The following RAD50 variants were observed in gnomAD, a reference collection of about 807,000 sequenced individuals.
RAD50 encodes DNA repair protein RAD50.
A neutral mutation model predicts 168.8 loss-of-function variants in RAD50; 132 were observed. The observed-to-expected ratio is 0.78, with a 90% confidence interval of 0.68 to 0.90. The LOEUF is 0.90. RAD50 is among the 40% of genes least tolerant of loss of function. The pLI is 0.00. For synonymous variants in RAD50, 525 were observed against 497.4 expected (o/e 1.06, Z -0.74); for missense variants, 1,347 against 1,534.4 (o/e 0.88, Z 2.04).
chr5:132,619,115 C>G (rs984594936), intron 21 of RAD50, among the ~76,000 whole-genome samples: 1 of 152,054 alleles, frequency 6.6e-6, no homozygotes, highest in Admixed American at 6.5e-5. Flanking sequence ...GGGAATAGAC[C>G]ACAATGCATT....
Position 132,557,145 on chromosome 5 carries a change from G to T in RAD50, c.-180G>T. 1 of 845,138 alleles carries T rather than the reference G, an allele frequency of 1.2e-6. No individual in the cohort carries two copies. The highest frequency in any genetic ancestry group is 1.9e-6 in the Non-Finnish European group (1 of 529,334). 52.4% of individuals were successfully genotyped at this position (845,138 alleles called of 1,614,324 possible). On this transcript the variant is annotated 5_prime_UTR_variant, in exon 1 of 25. Coordinates refer to ENST00000378823, the MANE Select transcript of RAD50 (RefSeq NM_005732.4). ...TGTGGGAGGAAAGGCTCCATCCCCC[G>T]CCCCCTCTCTCCCGCTGTTGGCTGG...
chr5:132,582,464 G>C (rs545176496), intron 5 of RAD50, among the ~76,000 whole-genome samples: 3 of 152,050 alleles, frequency 2.0e-5, no homozygotes, highest in Non-Finnish European at 2.9e-5. Flanking sequence ...ATTAAAGTTT[G>C]GGTCAAATCA....
At chr5:132,597,258 C>G (rs1432016696) in intron 13 of RAD50, among the ~76,000 whole-genome samples, 1 of 152,126 alleles carries the variant, frequency 6.6e-6, no homozygotes, top group African/African-American at 2.4e-5. Flanking sequence ...TGGTTTGTGG[C>G]AGCCAACTTC....
At chr5:132,563,105 A>C (rs1750149211) in intron 2 of RAD50, among the ~76,000 whole-genome samples, 1 of 152,276 alleles carries the variant, frequency 6.6e-6, no homozygotes, top group Admixed American at 6.5e-5. Flanking sequence ...GTAAGTGGAC[A>C]CAGACATAGG....
At chr5:132,630,093 AC>A (rs1339685943) in intron 21 of RAD50, among the ~76,000 whole-genome samples, 2 of 144,958 alleles carry the variant, frequency 1.4e-5, no homozygotes, top group Non-Finnish European at 3.0e-5. Context: ...CCCAGGCTGG[AC>A]TCCAATGGTG....
chr5:132,630,834 C>T (rs1483643420), intron 21 of RAD50: 1 of 152,228 alleles, frequency 6.6e-6, no homozygotes, highest in Non-Finnish European at 1.5e-5. Context: ...CCTCATCCCT[C>T]TTTTCTGCTC....
rs989479368 is a variant in RAD50 at position 132,646,346 on chromosome 5, A to G, written c.*3982A>G. On this transcript the variant is annotated 3_prime_UTR_variant, in exon 25 of 25. Coordinates refer to ENST00000378823, the MANE Select transcript of RAD50 (RefSeq NM_005732.4). ...TAAACGTCTAAAACTTAAAATGACC[A>G]AAACCAGTCTTTCTCCCAGAACTTG... 4 of 152,276 alleles carry G rather than the reference A, an allele frequency of 2.6e-5. No individual in the cohort carries two copies. Among genetic ancestry groups the G allele is most frequent in the African/African-American group, 9.6e-5 (4 of 41,476 alleles). 9.4% of individuals were successfully genotyped at this position (152,276 alleles called of 1,614,324 possible).
rs958692782 is a variant in RAD50, at chr5:132,557,246, C to A, written c.-79C>A. On this transcript the variant is annotated 5_prime_UTR_variant, in exon 1 of 25. Coordinates refer to ENST00000378823, the MANE Select transcript of RAD50 (RefSeq NM_005732.4). Reference sequence around the variant, plus strand: ...ACCCTGAGATTCGCGGGTCTCACGTCCCGTGCACGCCTTGCTTCGGCCTCA... The same window carrying A: ...ACCCTGAGATTCGCGGGTCTCACGTACCGTGCACGCCTTGCTTCGGCCTCA... 1.9e-6 allele frequency: 3 copies of A among 1,564,072 alleles called. No homozygotes were observed. Among genetic ancestry groups the A allele is most frequent in the Non-Finnish European group, 1.8e-6 (2 of 1,134,734 alleles).
At chr5:132,614,165 A>G (rs1751135398) in intron 19 of RAD50, among the ~76,000 whole-genome samples, 1 of 152,218 alleles carries the variant, frequency 6.6e-6, no homozygotes, top group Non-Finnish European at 1.5e-5. Flanking sequence ...ACCAGCAACA[A>G]TATTTTGTGC....
chr5:132,623,127 A>G (rs1019335162), intron 21 of RAD50, among the ~76,000 whole-genome samples: 3 of 152,080 alleles, frequency 2.0e-5, no homozygotes, highest in African/African-American at 7.2e-5. Context: ...CTTGGGTCCT[A>G]TCCTTCATCT....
intron 21 of RAD50, among the ~76,000 whole-genome samples, chr5:132,635,378 C>G (rs1751559961): frequency 6.6e-6 from 1 of 152,242 alleles, no homozygotes. Context: ...CGACCTTAGT[C>G]ATCCCCATCT....
chr5:132,559,167 C>A, intron 1 of RAD50, 117 bp from the exon 2 acceptor site: 1 of 1,029,056 alleles, frequency 9.7e-7, no homozygotes, highest in Non-Finnish European at 1.4e-6. Flanking sequence ...TTTATAATGT[C>A]AGATTTTATC....
chr5:132,580,256 C>T (rs1750483038), intron 5 of RAD50, among the ~76,000 whole-genome samples, 190 bp downstream of exon 5: 1 of 152,052 alleles, frequency 6.6e-6, no homozygotes, highest in Admixed American at 6.6e-5. Flanking sequence ...TAACTAAAGT[C>T]ACAGTGATGT....
At chr5:132,599,303 CACATGTGTGAGGAA>C (rs1750845731) in intron 13 of RAD50, among the ~76,000 whole-genome samples, 1 of 152,046 alleles carries the variant, frequency 6.6e-6, no homozygotes, top group South Asian at 2.1e-4. Context: ...TAAGTGAGGA[CACATGTGTGAGGAA>C]ACCATTTTTA....
At chr5:132,570,466 C>T (rs1263071807) in intron 2 of RAD50, among the ~76,000 whole-genome samples, 1 of 152,270 alleles carries the variant, frequency 6.6e-6, no homozygotes, top group East Asian at 1.9e-4. Context: ...GCTAGATCTT[C>T]TGGATAACTT....
chr5:132,626,198 T>C (rs527687929), intron 21 of RAD50, among the ~76,000 whole-genome samples: 2 of 152,328 alleles, frequency 1.3e-5, no homozygotes, highest in South Asian at 2.1e-4. Flanking sequence ...CATTTATCTG[T>C]TGATGGACAC....
intron 21 of RAD50, among the ~76,000 whole-genome samples, chr5:132,622,065 A>G (rs2149855823): frequency 6.6e-6 from 1 of 152,234 alleles, no homozygotes; most frequent in African/African-American, 2.4e-5. Flanking sequence ...TAAATTATTT[A>G]GCTGCTACTT....
At chr5:132,558,721 A>C (rs1307677160) in intron 1 of RAD50, among the ~76,000 whole-genome samples, 1 of 126,038 alleles carries the variant, frequency 7.9e-6, no homozygotes, top group Non-Finnish European at 1.5e-5. Flanking sequence ...CCCCCCACAA[A>C]AAAAAAAAAA....
intron 2 of RAD50, among the ~76,000 whole-genome samples, chr5:132,564,763 C>T (rs1332420580): frequency 2.0e-5 from 3 of 152,176 alleles, no homozygotes; most frequent in Non-Finnish European, 4.4e-5. Flanking sequence ...AGCAGCCCCT[C>T]CCATTACAGG....
Sources: allele counts gnomAD v4.1 joint callset (sites outside exome capture counted in the v4.1 genomes callset), GRCh38; gene constraint gnomAD v4.1.1; transcripts MANE v1.5; gene names NCBI Gene and HGNC (gene_info 2026-07-23, HGNC 2026-07-21).